CFAP46: variants seen among roughly 807,000 people sequenced by gnomAD.
CFAP46 encodes the protein cilia- and flagella-associated protein 46.
Under a neutral mutation model 325.7 loss-of-function variants are expected in CFAP46, and 245 were observed. The observed-to-expected ratio is 0.75, with a 90% CI of 0.68 to 0.84. The LOEUF is 0.84. CFAP46 is among the 40% of genes least tolerant of loss of function. CFAP46 has a pLI of 0.00. For synonymous variants in CFAP46, 1,523 were observed against 1,495.9 expected, an observed-to-expected ratio of 1.02 and a Z score of -0.42; for missense variants, 3,346 against 3,543.0, an observed-to-expected ratio of 0.94 and a Z score of 1.41.
In CFAP46 at chr10:132,821,576, ATGTGTGCTGTGTGTGTGC is replaced by A. The variant is rs1328737340; in HGVS notation, c.7118-6680_7118-6663del. On this transcript the variant is annotated intron_variant, in intron 50 of 57. Coordinates refer to ENST00000368586, the MANE Select transcript of CFAP46 (RefSeq NM_001200049.3). ...GCTGACGTGTGCTGTGTGTGCGCTG[ATGTGTGCTGTGTGTGTGC>A]TGTGTGCTGTGTGTGCGCTGATGTG... 1.3e-3 allele frequency among the ~76,000 whole-genome samples: 106 copies of A among 84,702 alleles called. 1 individual carries two copies. Among genetic ancestry groups the A allele is most frequent in the African/African-American group, 4.9e-3 (95 of 19,410 alleles). The allele number at this position is 84,702 out of a possible 152,430, so 55.6% of individuals were successfully genotyped here.
intron 22 of CFAP46, among the ~76,000 whole-genome samples, chr10:132,901,358 C>T (rs1041428509): frequency 6.6e-6 from 1 of 152,222 alleles, no homozygotes; most frequent in Non-Finnish European, 1.5e-5. Flanking sequence ...TCCTTTCTTC[C>T]CTTTTTTTGC....
rs201060393 is a variant in CFAP46, at chr10:132,887,472, TCTC to T, written c.3305-1516_3305-1514del. On this transcript the variant is annotated intron_variant, in intron 25 of 57. Transcript: ENST00000368586. ...TCTCTCTCCTCTCCCCTCTTCTCTCTCTCCTCTCCTCTCTCCCCTCTCGCCTAT... is the reference window on the plus strand; with the variant it reads ...TCTCTCTCCTCTCCCCTCTTCTCTCTCTCTCCTCTCTCCCCTCTCGCCTAT... 2.2e-3 allele frequency among the ~76,000 whole-genome samples: 236 copies of T among 107,584 alleles called. 5 individuals carry two copies. The East Asian group carries it at 0.052, about 24-fold the overall frequency. 70.6% of individuals were successfully genotyped at this position (107,584 alleles called of 152,430 possible). A position where few individuals can be genotyped will look rare whatever the true frequency, so the allele number is the denominator to read the frequency against.
rs955224903 is a variant in CFAP46, at chr10:132,827,118, C to T, written c.7117+6240G>A. 3.9e-5 allele frequency among the ~76,000 whole-genome samples: 6 copies of T among 152,194 alleles called. No individual in the cohort carries two copies. Among genetic ancestry groups the T allele is most frequent in the Admixed American group, 1.3e-4 (2 of 15,286 alleles). On this transcript the variant is annotated intron_variant, in intron 50 of 57. Transcript: ENST00000368586. This position sits in a 1 kb window ranked among gnomAD's most constrained non-coding sequence, Gnocchi z 5.7. ...CCTGCCTCTCCACCCGGCACTCCCA[C>T]CCTCTCCACAGCCTGAGCCCCACCC...
In CFAP46 at chr10:132,934,785, T is replaced by G; in HGVS notation, c.833A>C (p.Asn278Thr). ...RKAYRHLGHYNHQRFPSISEE... is the reference protein window; with the variant it reads ...RKAYRHLGHYTHQRFPSISEE... ...ACTGATAGAGGGAAAGCGCTGGTGG[T>G]TGTAATGACCTAAGTGTCTGTAGGC... Residue 278 changes from asparagine to threonine, a missense_variant, in exon 8 of 58, where the codon AAC becomes ACC. Coordinates refer to ENST00000368586, the MANE Select transcript of CFAP46 (RefSeq NM_001200049.3). 2 of 1,611,816 alleles carry G rather than the reference T, an allele frequency of 1.2e-6. No homozygotes were observed. The highest frequency in any genetic ancestry group is 1.7e-6 in the Non-Finnish European group (2 of 1,178,136).
chr10:132,912,520 TCTC>T (rs1849563484), intron 19 of CFAP46, 132 bp downstream of exon 19: 1 of 791,084 alleles, frequency 1.3e-6, no homozygotes, highest in Non-Finnish European at 1.9e-6. Flanking sequence ...CTCCTCTCTC[TCTC>T]TTCACCTCTC....
intron 50 of CFAP46, among the ~76,000 whole-genome samples, chr10:132,825,853 G>A (rs536616910): frequency 5.3e-4 from 80 of 152,316 alleles, no homozygotes; most frequent in Middle Eastern, 3.4e-3. Context: ...GTGAAAAGCC[G>A]AAAGGGCTGG....
At chr10:132,906,997 G>A (rs1021823934) in intron 22 of CFAP46, among the ~76,000 whole-genome samples, 6 of 152,362 alleles carry the variant, frequency 3.9e-5, no homozygotes, top group East Asian at 1.9e-4. Context: ...CCCCGGACAC[G>A]TGGAAGTTGC....
At chr10:132,831,992 T>G (rs1249971335) in intron 50 of CFAP46, among the ~76,000 whole-genome samples, 1 of 152,242 alleles carries the variant, frequency 6.6e-6, no homozygotes, top group Non-Finnish European at 1.5e-5. Context: ...TTATACCACT[T>G]TCTCCAGAGG....
At chr10:132,857,202 G>A (rs1178367943) in intron 39 of CFAP46, among the ~76,000 whole-genome samples, 1 of 152,282 alleles carries the variant, frequency 6.6e-6, no homozygotes, top group Admixed American at 6.5e-5. Flanking sequence ...GGCCTCCCTC[G>A]AAGGTCTTGG....
chr10:132,813,078 G>A (rs1449097144), intron 54 of CFAP46, among the ~76,000 whole-genome samples, 181 bp from the exon 55 acceptor site: 1 of 152,158 alleles, frequency 6.6e-6, no homozygotes, highest in East Asian at 1.9e-4. Flanking sequence ...GATCACAGGG[G>A]TCACGGCGGA....
Position 132,885,870 on chromosome 10 carries a change from T to C in CFAP46, c.3394A>G (p.Lys1132Glu). The C allele has an allele frequency of 3.2e-6, 5 of 1,549,710 alleles. No individual in the cohort carries two copies. The highest frequency in any genetic ancestry group is 4.4e-6 in the Non-Finnish European group (5 of 1,146,732). The change falls in exon 26 of 58, where the codon AAG becomes GAG. Residue 1132 changes from lysine (K) to glutamate (E), a missense_variant. Transcript: ENST00000368586. Reference protein sequence around the residue: ...ADQDDWEGGLKVLDEAVQVLP... With the variant: ...ADQDDWEGGLEVLDEAVQVLP... Reference sequence around the variant, plus strand: ...ACCTGCACAGCCTCGTCCAGCACCTTGAGGCCGCCCTCCCAGTCGTCCTGG... The same window carrying C: ...ACCTGCACAGCCTCGTCCAGCACCTCGAGGCCGCCCTCCCAGTCGTCCTGG...
intron 50 of CFAP46, among the ~76,000 whole-genome samples, chr10:132,822,504 CTGTGTGCTGA>C (rs1348484241): frequency 3.0e-5 from 3 of 101,394 alleles, no homozygotes; most frequent in African/African-American, 8.0e-5. Context: ...CTGATGTGTG[CTGTGTGCTGA>C]TGTGTGCTGA....
chr10:132,811,902 T>A (rs1049516772), intron 55 of CFAP46, among the ~76,000 whole-genome samples: 4 of 152,126 alleles, frequency 2.6e-5, no homozygotes, highest in African/African-American at 9.7e-5. Flanking sequence ...CTCCGCTCCA[T>A]CAACAGGGCC....
chr10:132,815,467 A>G (rs1847676008), intron 50 of CFAP46, among the ~76,000 whole-genome samples: 1 of 152,198 alleles, frequency 6.6e-6, no homozygotes, highest in Non-Finnish European at 1.5e-5. Flanking sequence ...ATCCTCATTA[A>G]GAAGGAGGCT....
intron 11 of CFAP46, among the ~76,000 whole-genome samples, chr10:132,923,525 A>C (rs1349386223): frequency 9.1e-5 from 11 of 120,452 alleles, no homozygotes; most frequent in South Asian, 5.8e-4. Flanking sequence ...GTGCCCTGGA[A>C]CCCCTGGCCT....
intron 22 of CFAP46, among the ~76,000 whole-genome samples, chr10:132,902,811 G>A (rs1250358524): frequency 6.6e-6 from 1 of 152,174 alleles, no homozygotes; most frequent in African/African-American, 2.4e-5. Flanking sequence ...ATTACTGGTG[G>A]CTCAGCTTCA....
chr10:132,867,140 C>T (rs957772792), intron 34 of CFAP46, among the ~76,000 whole-genome samples: 1 of 151,466 alleles, frequency 6.6e-6, no homozygotes, highest in African/African-American at 2.4e-5. Flanking sequence ...GCCCCTCGCA[C>T]ACTGACACAC....
Position 132,865,901 on chromosome 10 carries a change from A to G in CFAP46, c.4890+124T>C, listed in dbSNP as rs913116390. The stretch of plus-strand genomic sequence containing the variant: ...TCCCGCAGAGAGCTGGACCCAGACA[A>G]GAGAGGCACGTGGCCCTGCTAGAGC... On this transcript the variant is annotated intron_variant, in intron 35 of 57. Transcript: ENST00000368586. The G allele has an allele frequency of 9.2e-6, 9 of 973,334 alleles. No individual in the cohort carries two copies. In the African/African-American group the frequency reaches 1.3e-4, roughly 15 times the overall value. The allele number at this position is 973,334 out of a possible 1,614,324, so 60.3% of individuals were successfully genotyped here. A position where few individuals can be genotyped will look rare whatever the true frequency, so the allele number is the denominator to read the frequency against.
rs189145021 is a variant in CFAP46 at position 132,890,610 on chromosome 10, C to T, written c.3304+1723G>A. Among the ~76,000 whole-genome samples the T allele has an allele frequency of 5.2e-4, 79 of 152,268 alleles. 2 individuals are homozygous for T. The East Asian group carries it at 0.013, about 26-fold the overall frequency. On this transcript the variant is annotated intron_variant, in intron 25 of 57. Transcript: ENST00000368586. ...AAGACCCTGCGCTCTTCCACACTTC[C>T]GTCCTCTCCAAAACCCTCGAGACCC...
Sources: allele counts gnomAD v4.1 joint callset (sites outside exome capture counted in the v4.1 genomes callset), GRCh38; gene constraint gnomAD v4.1.1; non-coding constraint Gnocchi (gnomAD v3.1); transcripts MANE v1.5; gene names NCBI Gene and HGNC (gene_info 2026-07-23, HGNC 2026-07-21).